PFKP: variants seen among roughly 807,000 people sequenced by gnomAD.
PFKP encodes phosphofructokinase, platelet.
PFKP carries 101 observed loss-of-function variants against 94.3 expected under a neutral mutation model. That is an observed-to-expected ratio of 1.07 (90% CI 0.91 to 1.26). The LOEUF is 1.26. Ranked by LOEUF, PFKP falls within the 50% of genes most tolerant of loss-of-function variation. PFKP has a pLI of 0.00. For missense variants in PFKP, 1,145 were observed against 1,103.3 expected (o/e 1.04, Z -0.53); for synonymous variants, 573 against 432.6 (o/e 1.32, Z -4.03).
chr10:3,067,909 C>T (rs1831855440), intron 1 of PFKP, among the ~76,000 whole-genome samples: 3 of 152,138 alleles, frequency 2.0e-5, no homozygotes, highest in South Asian at 2.1e-4. Context: ...CGCCCGGAAG[C>T]GGCAGGGGTA....
chr10:3,074,084 C>T (rs562873369), intron 1 of PFKP, among the ~76,000 whole-genome samples: 1 of 152,196 alleles, frequency 6.6e-6, no homozygotes, highest in Non-Finnish European at 1.5e-5. Flanking sequence ...AAGTGATCCA[C>T]CTGCCTTGGC....
chr10:3,108,837 G>C, intron 9 of PFKP, 44 bp downstream of exon 9: 1 of 1,398,114 alleles, frequency 7.2e-7, no homozygotes, highest in Non-Finnish European at 1.0e-6. Flanking sequence ...TCTCTAGGAG[G>C]AAGCGTTTCT....
intron 1 of PFKP, among the ~76,000 whole-genome samples, chr10:3,079,212 C>T (rs571342709): frequency 1.3e-5 from 2 of 150,022 alleles, no homozygotes; most frequent in Admixed American, 1.3e-4. Flanking sequence ...ACAGGAGTCT[C>T]CTGGGGTCAC....
chr10:3,107,375 G>A, intron 8 of PFKP, 66 bp downstream of exon 8: 1 of 928,638 alleles, frequency 1.1e-6, no homozygotes, highest in Non-Finnish European at 1.8e-6. Flanking sequence ...CTAGCGTCAT[G>A]GGCAGGCTTG....
chr10:3,116,277 G>A (rs1476140168), intron 13 of PFKP, among the ~76,000 whole-genome samples: 2 of 152,150 alleles, frequency 1.3e-5, no homozygotes, highest in African/African-American at 4.8e-5. Flanking sequence ...AGAATCTCGT[G>A]ACCGGAAGCT....
intron 16 of PFKP, among the ~76,000 whole-genome samples, chr10:3,123,652 G>A (rs576799339): frequency 2.6e-4 from 39 of 152,320 alleles, no homozygotes; most frequent in East Asian, 2.3e-3. Context: ...TCCTGAGCTC[G>A]GGTATTCCAC....
At chr10:3,083,570 A>G (rs535804876) in intron 2 of PFKP, among the ~76,000 whole-genome samples, 6 of 152,192 alleles carry the variant, frequency 3.9e-5, no homozygotes, top group Admixed American at 3.9e-4. Context: ...CACGTTCTGT[A>G]TACTGTGTTT....
chr10:3,093,050 TCCTGGGATGTG>T (rs1420711196), intron 2 of PFKP, among the ~76,000 whole-genome samples: 1 of 150,456 alleles, frequency 6.6e-6, no homozygotes, highest in East Asian at 2.0e-4. Context: ...AAGCCTGAAC[TCCTGGGATGTG>T]TGGATGGGGG....
In PFKP at chr10:3,101,373, G is replaced by C. The variant is rs367966823; in HGVS notation, c.273G>C (p.Thr91=). Residue 91 remains threonine (T), a synonymous_variant, in exon 4 of 22, where the codon ACG becomes ACC. Transcript: ENST00000381125. ...SVSSILQVGG[T]IIGSARCQAF... ...GCTGGTGTCTTTCCCAGGGCGGGAC[G>C]ATCATTGGCAGTGCGCGGTGCCAGG... The C allele has an allele frequency of 1.3e-6, 2 of 1,587,048 alleles. No individual in the cohort carries two copies.
intron 20 of PFKP, 83 bp downstream of exon 20, chr10:3,134,665 G>A (rs571045928): frequency 2.8e-4 from 236 of 856,850 alleles, no homozygotes; most frequent in Non-Finnish European, 4.4e-4. Flanking sequence ...TCGGGGAGAA[G>A]TAGGGTGCTG....
In PFKP at chr10:3,131,146, ATGTATCTCTTAC is replaced by A. The variant is rs1408620552; in HGVS notation, c.1848+1167_1848+1178del. Reference sequence around the variant, plus strand: ...AAAAAGATGTTTTTTATCAAAAAATATGTATCTCTTACTGTGCTTTTCTACATCTAGACATGT... The same window carrying A: ...AAAAAGATGTTTTTTATCAAAAAATATGTGCTTTTCTACATCTAGACATGT... On this transcript the variant is annotated intron_variant, in intron 17 of 21. Transcript: ENST00000381125. Among the ~76,000 whole-genome samples, 24 of 152,246 alleles carry A rather than the reference ATGTATCTCTTAC, an allele frequency of 1.6e-4. No homozygotes were observed. In the East Asian group the frequency reaches 4.6e-3, roughly 29 times the overall value.
intron 19 of PFKP, 116 bp downstream of exon 19, chr10:3,133,430 A>G: frequency 1.3e-6 from 1 of 746,038 alleles, no homozygotes; most frequent in Non-Finnish European, 2.4e-6. Context: ...CAAGATGATA[A>G]AAAACATCTG....
chr10:3,112,864 A>G (rs977270509), intron 11 of PFKP, among the ~76,000 whole-genome samples: 3 of 152,212 alleles, frequency 2.0e-5, no homozygotes, highest in Non-Finnish European at 4.4e-5. Flanking sequence ...CACCGCACGC[A>G]TGTCTTGCAA....
chr10:3,119,568 T>G (rs896189989), intron 15 of PFKP, among the ~76,000 whole-genome samples: 25 of 151,786 alleles, frequency 1.6e-4, no homozygotes, highest in African/African-American at 5.8e-4. Flanking sequence ...TTGCACCACC[T>G]CACTCCAGCC....
At chr10:3,108,606 C>T (rs1835860704) in intron 8 of PFKP, 95 bp from the exon 9 acceptor site, 6 of 898,232 alleles carry the variant, frequency 6.7e-6, no homozygotes, top group Admixed American at 1.9e-5. Flanking sequence ...GAAGAAAGAG[C>T]GAAAAACCTT....
intron 20 of PFKP, among the ~76,000 whole-genome samples, chr10:3,135,469 T>G (rs1354464817): frequency 6.6e-6 from 1 of 152,220 alleles, no homozygotes; most frequent in African/African-American, 2.4e-5. Context: ...AATTTCCCTA[T>G]TCCACTATTT....
intron 16 of PFKP, among the ~76,000 whole-genome samples, chr10:3,122,736 A>G (rs549447269): frequency 6.6e-6 from 1 of 152,288 alleles, no homozygotes; most frequent in African/African-American, 2.4e-5. Context: ...AGGTCTGTAG[A>G]TGGCTCCAGT....
chr10:3,126,108 G>GA (rs1448213656), intron 16 of PFKP, among the ~76,000 whole-genome samples: 1 of 152,198 alleles, frequency 6.6e-6, no homozygotes, highest in Non-Finnish European at 1.5e-5. Context: ...AGTCCTGCTG[G>GA]AGACTCCTTA....
At chr10:3,114,756 C>G (rs935142060) in intron 13 of PFKP, among the ~76,000 whole-genome samples, 5 of 152,170 alleles carry the variant, frequency 3.3e-5, no homozygotes, top group African/African-American at 1.2e-4. Context: ...GCGGGGGCTC[C>G]AAGCCCGCAC....
Sources: allele counts gnomAD v4.1 joint callset (sites outside exome capture counted in the v4.1 genomes callset), GRCh38; gene constraint gnomAD v4.1.1; transcripts MANE v1.5; gene names NCBI Gene and HGNC (gene_info 2026-07-23, HGNC 2026-07-21).